The following FAM117A variants were observed in gnomAD, a reference collection of about 807,000 sequenced individuals.
FAM117A encodes the protein family with sequence similarity 117 member A.
In FAM117A, 21 loss-of-function variants were observed where a neutral mutation model predicts 44.1. That is an observed-to-expected ratio of 0.48 (90% CI 0.34 to 0.69). FAM117A has a LOEUF of 0.69. Ranked by LOEUF, FAM117A falls within the 30% of genes least tolerant of loss-of-function variation. The pLI is 0.01. For synonymous variants in FAM117A, 220 were observed against 238.3 expected, an observed-to-expected ratio of 0.92 and a Z score of 0.71; for missense variants, 498 against 589.9, an observed-to-expected ratio of 0.84 and a Z score of 1.61.
At position 49,744,761 on chromosome 17, in the gene FAM117A, C is replaced by T. The variant is rs188794672; in HGVS notation, c.197-12041G>A. Among the ~76,000 whole-genome samples, 324 of 151,704 alleles carry T rather than the reference C, an allele frequency of 2.1e-3. 2 individuals are homozygous for T. The highest frequency in any genetic ancestry group is 7.6e-3 in the African/African-American group (315 of 41,370). On this transcript the variant is annotated intron_variant, in intron 1 of 7. Coordinates refer to ENST00000240364, the MANE Select transcript of FAM117A (RefSeq NM_030802.4). ...AGGCATGGTGGCTCACACCTGTCAT[C>T]CCAGCACTTTGGGAGACTGGGGCAG...
chr17:49,744,149 G>A (rs560053945), intron 1 of FAM117A, among the ~76,000 whole-genome samples: 3 of 152,198 alleles, frequency 2.0e-5, no homozygotes, highest in South Asian at 2.1e-4. Flanking sequence ...GTCATCACTC[G>A]GTATCCATGG....
chr17:49,762,672 A>T (rs2073726669), intron 1 of FAM117A, among the ~76,000 whole-genome samples: 1 of 152,154 alleles, frequency 6.6e-6, no homozygotes, highest in Non-Finnish European at 1.5e-5. Flanking sequence ...TGGTTTAGAG[A>T]ATGTCATTAA....
At chr17:49,732,317 A>C in intron 2 of FAM117A, 1 of 349,246 alleles carries the variant, frequency 2.9e-6, no homozygotes, top group Non-Finnish European at 5.4e-6. Context: ...AGGCACGAGA[A>C]TCACTTGAAC....
chr17:49,751,943 CAAAAAAAAAAA>C (rs71146933), intron 1 of FAM117A, among the ~76,000 whole-genome samples: 6 of 56,958 alleles, frequency 1.1e-4, no homozygotes, highest in Non-Finnish European at 1.8e-4. Context: ...GACTCCATCT[CAAAAAAAAAAA>C]AAAAAAAAAA....
intron 1 of FAM117A, among the ~76,000 whole-genome samples, chr17:49,757,877 A>G (rs1405765355): frequency 6.6e-6 from 1 of 152,050 alleles, no homozygotes; most frequent in Non-Finnish European, 1.5e-5. Context: ...CCCTGTTCCC[A>G]CTTCTGTGAC....
intron 1 of FAM117A, among the ~76,000 whole-genome samples, chr17:49,755,563 A>C (rs1445299055): frequency 6.6e-6 from 1 of 152,216 alleles, no homozygotes; most frequent in Non-Finnish European, 1.5e-5. Context: ...GTAACTGCCC[A>C]AGCTCACCCT....
upstream of FAM117A, chr17:49,788,607 C>T: frequency 2.1e-6 from 1 of 486,654 alleles, no homozygotes; most frequent in South Asian, 2.9e-5. Flanking sequence ...AGCACCCTCT[C>T]TGGCCCGTAA....
Position 49,711,185 on chromosome 17 carries a change from A to G in FAM117A, c.*70T>C, listed in dbSNP as rs2073475510. 6.9e-7 allele frequency: 1 copy of G among 1,444,714 alleles called. No homozygotes were observed. The highest frequency in any genetic ancestry group is 9.3e-7 in the Non-Finnish European group (1 of 1,071,146). The allele number at this position is 1,444,714 out of a possible 1,614,324, so 89.5% of individuals were successfully genotyped here. ...GAAGGGCCCCTCCATACCCCATCTC[A>G]GGGGACCTGGGGAGGGACCTGCCAC... is the stretch of plus-strand genomic sequence containing the variant. On this transcript the variant is annotated 3_prime_UTR_variant, in exon 8 of 8. Coordinates refer to ENST00000240364, the MANE Select transcript of FAM117A (RefSeq NM_030802.4).
At chr17:49,726,163 T>G (rs891647789) in intron 2 of FAM117A, among the ~76,000 whole-genome samples, 2 of 152,222 alleles carry the variant, frequency 1.3e-5, no homozygotes, top group African/African-American at 4.8e-5. Context: ...CTCAGAAACC[T>G]AATGCAGTAG....
In FAM117A at chr17:49,784,675, G is replaced by T. The variant is rs181069310; in HGVS notation, c.-621+3822C>A. On this transcript the variant is annotated intron_variant, in intron 1 of 7. Transcript: ENST00000513602. ...CTGTGAAATTCCACTCTTGCTTCACGTCTTTTATGAATCCTTTCCTAAACT... is the reference window on the plus strand; with the variant it reads ...CTGTGAAATTCCACTCTTGCTTCACTTCTTTTATGAATCCTTTCCTAAACT... Among the ~76,000 whole-genome samples the T allele has an allele frequency of 1.1e-4, 16 of 152,226 alleles. No individual in the cohort carries two copies. In the East Asian group the frequency reaches 3.1e-3, roughly 29 times the overall value.
chr17:49,745,545 G>A (rs2073651498), intron 1 of FAM117A, among the ~76,000 whole-genome samples: 1 of 152,238 alleles, frequency 6.6e-6, no homozygotes, highest in African/African-American at 2.4e-5. Flanking sequence ...CTGGCATTAT[G>A]TATCTCCTAA....
At chr17:49,784,278 T>A (rs2073798742) in intron 1 of FAM117A, among the ~76,000 whole-genome samples, 1 of 152,198 alleles carries the variant, frequency 6.6e-6, no homozygotes. Context: ...CCACTCCCAG[T>A]GCCTATTTCA....
intron 1 of FAM117A, among the ~76,000 whole-genome samples, chr17:49,740,319 C>T (rs900468114): frequency 4.6e-5 from 7 of 151,468 alleles, no homozygotes; most frequent in African/African-American, 7.3e-5. Flanking sequence ...GCGATCTCGG[C>T]GCTCATTGCA....
At chr17:49,720,472 A>G (rs761431056) in intron 3 of FAM117A, 36 bp from the exon 4 acceptor site, 2 of 1,575,456 alleles carry the variant, frequency 1.3e-6, no homozygotes. Flanking sequence ...GAGGCAGATT[A>G]AGGAAAGCCA....
intron 1 of FAM117A, among the ~76,000 whole-genome samples, chr17:49,754,600 G>A (rs145986037): frequency 0.012 from 1,821 of 151,986 alleles, 49 homozygotes; most frequent in African/African-American, 0.042. Flanking sequence ...CACCGTGCCC[G>A]GCCAAGCACA....
intron 5 of FAM117A, among the ~76,000 whole-genome samples, chr17:49,718,647 G>A (rs1436293958): frequency 6.6e-6 from 1 of 150,704 alleles, no homozygotes; most frequent in Admixed American, 6.6e-5. Flanking sequence ...CTCCAGCCTG[G>A]GCGACAGAGC....
At chr17:49,716,353 G>A in intron 6 of FAM117A, 38 bp from the exon 7 acceptor site, 1 of 1,490,220 alleles carries the variant, frequency 6.7e-7, no homozygotes, top group Non-Finnish European at 8.9e-7. Flanking sequence ...TGGAGATGAA[G>A]GGAAGGCCTC....
intron 1 of FAM117A, among the ~76,000 whole-genome samples, chr17:49,758,327 T>C (rs1024097920): frequency 1.4e-5 from 2 of 141,982 alleles, no homozygotes; most frequent in Non-Finnish European, 3.0e-5. Context: ...TGAGAGTCCG[T>C]CTCCAAAAAA....
At chr17:49,727,090 A>C (rs553303532) in intron 2 of FAM117A, among the ~76,000 whole-genome samples, 1 of 152,030 alleles carries the variant, frequency 6.6e-6, no homozygotes, top group Admixed American at 6.6e-5. Context: ...GTAGAGCTGG[A>C]GCTCAGCAGA....
Sources: gnomAD v4.1 joint callset for allele counts (sites outside exome capture counted in the v4.1 genomes callset) on GRCh38, gnomAD v4.1.1 for gene constraint, MANE v1.5 for transcripts, NCBI Gene and HGNC (gene_info 2026-07-23, HGNC 2026-07-21) for gene names.